Variants in TANC1 observed in about 807,000 individuals in gnomAD.
TANC1 encodes the protein protein TANC1.
A neutral mutation model predicts 149.7 loss-of-function variants in TANC1; 77 were observed. The ratio of observed to expected loss-of-function variants is 0.51; its 90% CI spans 0.43 to 0.62. The LOEUF (loss-of-function observed/expected upper bound fraction) is 0.62. Ranked by LOEUF, TANC1 falls within the 20% of genes least tolerant of loss-of-function variation. The pLI, the probability that TANC1 is intolerant of heterozygous loss-of-function variation, is 0.00. For synonymous variants in TANC1, 854 were observed against 925.0 expected (o/e 0.92, Z 1.39); for missense variants, 1,985 against 2,321.8 (o/e 0.85, Z 2.98).
chr2:159,206,667 C>T lies in TANC1; in HGVS notation c.3244+7614C>T, dbSNP rs116085113. ...TTCATATTTTGGGAAGGATTACACT[C>T]CCACAGAAAAATCATCCTTGTTTCT... On this transcript the variant is annotated intron_variant, in intron 19 of 26. Transcript: ENST00000263635. 6.6e-3 allele frequency among the ~76,000 whole-genome samples: 1,007 copies of T among 152,304 alleles called. 13 individuals are homozygous for T. Among genetic ancestry groups the T allele is most frequent in the Middle Eastern group, 0.014 (4 of 294 alleles).
intron 1 of TANC1, among the ~76,000 whole-genome samples, chr2:158,991,390 G>A (rs6746676): frequency 0.065 from 9,862 of 152,180 alleles, 482 homozygotes; most frequent in East Asian, 0.16. Flanking sequence ...AGGTTTATGT[G>A]TGCTCTTAAG....
At chr2:159,035,101 T>A (rs984311596) in intron 2 of TANC1, among the ~76,000 whole-genome samples, 11 of 152,228 alleles carry the variant, frequency 7.2e-5, no homozygotes, top group African/African-American at 1.7e-4. Flanking sequence ...AGAAAAAAAA[T>A]TTTTTTGATG....
chr2:159,122,414 A>AC (rs1389922032), intron 4 of TANC1, among the ~76,000 whole-genome samples: 1 of 151,910 alleles, frequency 6.6e-6, no homozygotes, highest in Non-Finnish European at 1.5e-5. Context: ...AAGTGGCCAG[A>AC]CCCTCTTTTC....
At chr2:159,217,818 C>T (rs1031617281) in intron 20 of TANC1, among the ~76,000 whole-genome samples, 188 bp downstream of exon 20, 1 of 152,180 alleles carries the variant, frequency 6.6e-6, no homozygotes, top group Non-Finnish European at 1.5e-5. Context: ...GCCACGTAGG[C>T]TGGGGAGCAA....
intron 2 of TANC1, among the ~76,000 whole-genome samples, chr2:159,063,591 A>C (rs763803922): frequency 1.3e-5 from 2 of 152,208 alleles, no homozygotes; most frequent in Non-Finnish European, 2.9e-5. Flanking sequence ...AATCAGTTAA[A>C]GTTGCTCCAG....
Position 159,157,040 on chromosome 2 carries a change from A to C in TANC1, c.683-6243A>C, listed in dbSNP as rs1026187837. 2.0e-5 allele frequency among the ~76,000 whole-genome samples: 3 copies of C among 152,266 alleles called. No homozygotes were observed. The South Asian group carries it at 6.2e-4, about 31-fold the overall frequency. On this transcript the variant is annotated intron_variant, in intron 7 of 26. Coordinates refer to ENST00000263635, the MANE Select transcript of TANC1 (RefSeq NM_033394.3). ...GCACTGAGCTAGAAATTTCGTACAG[A>C]GATCTGGCTGTCACAAGCCAGCATA...
intron 8 of TANC1, 112 bp downstream of exon 8, chr2:159,163,658 G>C (rs565131437): frequency 8.3e-7 from 1 of 1,207,744 alleles, no homozygotes; most frequent in East Asian, 2.5e-5. Flanking sequence ...CGTGGCCGTG[G>C]GTCAGGCACT....
In TANC1 at chr2:159,098,397, G is replaced by A. The variant is rs146896661; in HGVS notation, c.259+563G>A. Among the ~76,000 whole-genome samples the A allele has an allele frequency of 3.9e-3, 592 of 152,302 alleles. 1 individual carries two copies. The highest frequency in any genetic ancestry group is 7.0e-3 in the Non-Finnish European group (474 of 68,022). ...CCTTGATTTGTGAAGTACACTTGAG[G>A]ATGTTCGCACAATGACAAAATCACC... On this transcript the variant is annotated intron_variant, in intron 4 of 26. Transcript: ENST00000263635.
In TANC1 at chr2:159,101,014, C is replaced by G. The variant is rs377700878; in HGVS notation, c.259+3180C>G. Among the ~76,000 whole-genome samples, 629 of 152,204 alleles carry G rather than the reference C, an allele frequency of 4.1e-3. 3 individuals are homozygous for G. Among genetic ancestry groups the G allele is most frequent in the Non-Finnish European group, 6.6e-3 (452 of 68,002 alleles). ...AGCACCCAGAGGTATGGAGCCACTC[C>G]CCTCCTCTCCTTCCACGCTGGCCCC... is the stretch of plus-strand genomic sequence containing the variant. On this transcript the variant is annotated intron_variant, in intron 4 of 26. Coordinates refer to ENST00000263635, the MANE Select transcript of TANC1 (RefSeq NM_033394.3).
At chr2:159,142,371 C>T (rs1376324700) in intron 5 of TANC1, among the ~76,000 whole-genome samples, 2 of 152,236 alleles carry the variant, frequency 1.3e-5, no homozygotes, top group African/African-American at 4.8e-5. Context: ...GTTGGTAAAA[C>T]TTCTGATACC....
chr2:159,118,663 A>C (rs1486267303), intron 4 of TANC1, among the ~76,000 whole-genome samples: 1 of 152,142 alleles, frequency 6.6e-6, no homozygotes. Context: ...CTTAAGGAGA[A>C]AGCATTTTTG....
chr2:158,996,244 C>T (rs2149303712), intron 1 of TANC1, among the ~76,000 whole-genome samples: 1 of 152,220 alleles, frequency 6.6e-6, no homozygotes, highest in South Asian at 2.1e-4. Flanking sequence ...CCTGTAGTCC[C>T]AGCCACTCGT....
intron 3 of TANC1, among the ~76,000 whole-genome samples, chr2:159,071,118 T>A (rs879798814): frequency 1.3e-5 from 2 of 152,136 alleles, no homozygotes; most frequent in Non-Finnish European, 2.9e-5. Context: ...CTTCCACCAG[T>A]CTTCAATCTG....
chr2:159,046,759 C>A (rs1338358401), intron 2 of TANC1, among the ~76,000 whole-genome samples: 2 of 143,402 alleles, frequency 1.4e-5, no homozygotes, highest in Admixed American at 7.0e-5. Context: ...AGGCACCAGG[C>A]CTGGCTAATT....
intron 4 of TANC1, among the ~76,000 whole-genome samples, 192 bp from the exon 5 acceptor site, chr2:159,136,002 T>TTTTGTG (rs1334917468): frequency 1.9e-5 from 2 of 107,776 alleles, no homozygotes; most frequent in Admixed American, 8.9e-5. Context: ...TACTGAAATT[T>TTTTGTG]TGTGTGTGTG....
intron 13 of TANC1, 43 bp from the exon 14 acceptor site, chr2:159,178,513 A>G: frequency 2.0e-6 from 3 of 1,510,998 alleles, no homozygotes; most frequent in African/African-American, 1.4e-5. Flanking sequence ...TAAAAAAGGA[A>G]TCTCTTTAGA....
intron 4 of TANC1, among the ~76,000 whole-genome samples, chr2:159,128,115 T>C (rs544379086): frequency 6.6e-6 from 1 of 152,254 alleles, no homozygotes; most frequent in Non-Finnish European, 1.5e-5. Flanking sequence ...TCTGTTTTTT[T>C]CTTCCCTAGA....
At chr2:159,126,538 A>G (rs7566495) in intron 4 of TANC1, among the ~76,000 whole-genome samples, 65,863 of 152,116 alleles carry the variant, frequency 0.43, 14,690 homozygotes, top group Admixed American at 0.53. Flanking sequence ...TTTAACCAAT[A>G]TGAAAGCCCA....
intron 19 of TANC1, among the ~76,000 whole-genome samples, chr2:159,215,505 T>C (rs963469042): frequency 1.3e-5 from 2 of 152,190 alleles, no homozygotes; most frequent in African/African-American, 4.8e-5. Context: ...GGCATTATTG[T>C]AGGCACCAGA....
Sources: gnomAD v4.1 joint callset for allele counts (sites outside exome capture counted in the v4.1 genomes callset) on GRCh38, gnomAD v4.1.1 for gene constraint, MANE v1.5 for transcripts, NCBI Gene and HGNC (gene_info 2026-07-23, HGNC 2026-07-21) for gene names.